The following AUTS2 variants were observed in gnomAD, a reference collection of about 807,000 sequenced individuals.
AUTS2 encodes activator of transcription and developmental regulator AUTS2, also known as autism susceptibility gene 2 protein.
AUTS2 carries 17 observed loss-of-function variants against 112.4 expected under a neutral mutation model. The ratio of observed to expected loss-of-function variants is 0.15; its 90% CI spans 0.10 to 0.23. The LOEUF is 0.23. AUTS2 is among the 10% of genes least tolerant of loss of function. The pLI is 1.00. For missense variants in AUTS2, 1,510 were observed against 1,701.6 expected (o/e 0.89, Z 1.98); for synonymous variants, 751 against 702.7 (o/e 1.07, Z -1.09).
chr7:70,181,880 C>G (rs1278682136), intron 4 of AUTS2, among the ~76,000 whole-genome samples: 1 of 149,290 alleles, frequency 6.7e-6, no homozygotes, highest in Non-Finnish European at 1.5e-5. Context: ...TCACTGCAAG[C>G]TCCACCTCCC....
chr7:69,813,388 C>T (rs1790627845), intron 1 of AUTS2, among the ~76,000 whole-genome samples: 1 of 152,130 alleles, frequency 6.6e-6, no homozygotes, highest in African/African-American at 2.4e-5. Flanking sequence ...GATTCTAGCA[C>T]ATTTGGAAAA....
intron 5 of AUTS2, among the ~76,000 whole-genome samples, chr7:70,551,290 T>G (rs528043424): frequency 6.6e-6 from 1 of 152,156 alleles, no homozygotes; most frequent in Admixed American, 6.5e-5. Flanking sequence ...TTCCAGGTAG[T>G]GGCTCCTTCC....
intron 1 of AUTS2, among the ~76,000 whole-genome samples, chr7:69,674,523 T>TA (rs1350259678): frequency 2.3e-5 from 2 of 88,554 alleles, no homozygotes; most frequent in Admixed American, 2.4e-4. Context: ...TGAGACATTG[T>TA]AAACACTTAA....
intron 2 of AUTS2, among the ~76,000 whole-genome samples, chr7:69,987,039 G>A (rs973821966): frequency 2.3e-4 from 35 of 152,190 alleles, no homozygotes; most frequent in African/African-American, 8.0e-4. Flanking sequence ...GACCCTGGAA[G>A]CACAAGGACA....
At chr7:70,272,413 A>G (rs1323918149) in intron 4 of AUTS2, among the ~76,000 whole-genome samples, 1 of 152,206 alleles carries the variant, frequency 6.6e-6, no homozygotes, top group African/African-American at 2.4e-5. Flanking sequence ...TTCAATAAAC[A>G]TTTAGATGAA....
intron 6 of AUTS2, among the ~76,000 whole-genome samples, chr7:70,714,105 C>A (rs989999514): frequency 6.6e-6 from 1 of 152,116 alleles, no homozygotes. Context: ...TCACACCACT[C>A]AAAGGTGTGA....
At chr7:70,717,342 G>C (rs568846477) in intron 6 of AUTS2, among the ~76,000 whole-genome samples, 1 of 151,914 alleles carries the variant, frequency 6.6e-6, no homozygotes, top group Non-Finnish European at 1.5e-5. Flanking sequence ...CACCATACCC[G>C]GCTAACTTTT....
chr7:69,868,866 G>A (rs899328866), intron 1 of AUTS2, among the ~76,000 whole-genome samples: 2 of 152,178 alleles, frequency 1.3e-5, no homozygotes, highest in Non-Finnish European at 2.9e-5. Flanking sequence ...GGCAGTTTAG[G>A]AGTAATTGTA....
intron 1 of AUTS2, among the ~76,000 whole-genome samples, chr7:69,812,281 A>T (rs925497862): frequency 6.6e-6 from 1 of 152,156 alleles, no homozygotes; most frequent in Non-Finnish European, 1.5e-5. Flanking sequence ...GGAGGAGAAA[A>T]AAAAGACACC....
At chr7:70,334,125 G>C (rs966121772) in intron 4 of AUTS2, among the ~76,000 whole-genome samples, 4 of 152,156 alleles carry the variant, frequency 2.6e-5, no homozygotes, top group Non-Finnish European at 5.9e-5. Flanking sequence ...CCAGTGCAAT[G>C]TTGAATAGCT....
Position 70,020,543 on chromosome 7 carries a change from G to T in AUTS2, c.523-97589G>T, listed in dbSNP as rs146834906. The stretch of plus-strand genomic sequence containing the variant: ...TTGAGTACTCCTTTGGAAGGATAGA[G>T]TCCAAAGGCATCTTACCTGAGCCAG... On this transcript the variant is annotated intron_variant, in intron 2 of 18. Transcript: ENST00000342771. Among the ~76,000 whole-genome samples the T allele has an allele frequency of 6.3e-3, 952 of 152,260 alleles. 5 individuals are homozygous for T. Among genetic ancestry groups the T allele is most frequent in the Non-Finnish European group, 9.8e-3 (666 of 68,032 alleles).
At chr7:69,851,504 C>G (rs1792482049) in intron 1 of AUTS2, among the ~76,000 whole-genome samples, 1 of 152,202 alleles carries the variant, frequency 6.6e-6, no homozygotes, top group Non-Finnish European at 1.5e-5. Flanking sequence ...CCCACCTTCG[C>G]CTCCCAAAGT....
At chr7:70,456,144 G>A (rs531657169) in intron 5 of AUTS2, among the ~76,000 whole-genome samples, 2 of 152,302 alleles carry the variant, frequency 1.3e-5, no homozygotes, top group East Asian at 3.9e-4. Flanking sequence ...AACCCAGCAC[G>A]GAAGTTCAAG....
At chr7:70,086,379 C>A (rs148829056) in intron 2 of AUTS2, among the ~76,000 whole-genome samples, 2 of 152,094 alleles carry the variant, frequency 1.3e-5, no homozygotes, top group Non-Finnish European at 2.9e-5. Context: ...CAATGGCTCA[C>A]GCCTGTAATC....
At chr7:70,708,793 A>G (rs1809879861) in intron 6 of AUTS2, among the ~76,000 whole-genome samples, 1 of 152,030 alleles carries the variant, frequency 6.6e-6, no homozygotes, top group Non-Finnish European at 1.5e-5. Context: ...AATTGATGCT[A>G]TTGTTATATG....
intron 5 of AUTS2, among the ~76,000 whole-genome samples, chr7:70,657,422 C>T (rs1806830203): frequency 1.3e-5 from 2 of 152,120 alleles, no homozygotes; most frequent in South Asian, 2.1e-4. Flanking sequence ...AGATAGGGAT[C>T]ATTATGGAGC....
chr7:70,164,804 A>C (rs1185179469), intron 4 of AUTS2, among the ~76,000 whole-genome samples: 2 of 152,108 alleles, frequency 1.3e-5, no homozygotes, highest in East Asian at 1.9e-4. Context: ...TTTATACATA[A>C]AGTTTGGGTT....
chr7:70,159,709 G>C (rs1328902726), intron 4 of AUTS2, among the ~76,000 whole-genome samples: 1 of 152,096 alleles, frequency 6.6e-6, no homozygotes, highest in African/African-American at 2.4e-5. Context: ...TATACAGACT[G>C]TGTTACTTAT....
intron 2 of AUTS2, among the ~76,000 whole-genome samples, chr7:70,093,787 C>T (rs1352674144): frequency 2.6e-5 from 4 of 152,148 alleles, no homozygotes; most frequent in East Asian, 1.9e-4. Flanking sequence ...TAGAGTATGT[C>T]ACTGTGTGAA....
Sources: gnomAD v4.1 joint callset for allele counts (sites outside exome capture counted in the v4.1 genomes callset) on GRCh38, gnomAD v4.1.1 for gene constraint, MANE v1.5 for transcripts, NCBI Gene and HGNC (gene_info 2026-07-23, HGNC 2026-07-21) for gene names.